Variants in SMIM14 observed in about 807,000 individuals in gnomAD.
The protein encoded by SMIM14 is chromosome 4 open reading frame 34.
In SMIM14, 5 loss-of-function variants were observed where a neutral mutation model predicts 12.6. The observed-to-expected ratio is 0.40, with a 90% CI of 0.21 to 0.83. The LOEUF (loss-of-function observed/expected upper bound fraction) is 0.83. Ranked by LOEUF, SMIM14 falls within the 40% of genes least tolerant of loss-of-function variation. The pLI, the probability that SMIM14 is intolerant of heterozygous loss-of-function variation, is 0.37. For missense variants in SMIM14, 86 were observed against 119.1 expected (o/e 0.72, Z 1.29); for synonymous variants, 30 against 40.1 (o/e 0.75, Z 0.95).
chr4:39,592,853 G>A (rs950004320), intron 2 of SMIM14: 8 of 152,144 alleles, frequency 5.3e-5, no homozygotes, highest in African/African-American at 1.7e-4. Flanking sequence ...ACTAAACCAG[G>A]AAGAAGTTGA....
intron 2 of SMIM14, among the ~76,000 whole-genome samples, chr4:39,587,191 T>C (rs1025257492): frequency 4.0e-5 from 6 of 151,872 alleles, no homozygotes; most frequent in Non-Finnish European, 8.8e-5. Flanking sequence ...TACATACGTA[T>C]ATGCATATTA....
At chr4:39,569,976 T>G (rs1712800892) in intron 3 of SMIM14, among the ~76,000 whole-genome samples, 1 of 152,122 alleles carries the variant, frequency 6.6e-6, no homozygotes, top group Non-Finnish European at 1.5e-5. Context: ...TTTCCTATCC[T>G]TGGAAGCCTA....
chr4:39,631,830 A>G (rs1715910353), intron 1 of SMIM14, among the ~76,000 whole-genome samples: 2 of 152,152 alleles, frequency 1.3e-5, no homozygotes, highest in African/African-American at 4.8e-5. Flanking sequence ...ATACTTGTCA[A>G]TGAGTGCAGT....
chr4:39,603,924 T>G (rs1200470365), intron 2 of SMIM14, among the ~76,000 whole-genome samples: 3 of 149,944 alleles, frequency 2.0e-5, no homozygotes, highest in Non-Finnish European at 4.4e-5. Context: ...GGCAGGAGAA[T>G]CACTTGAACC....
chr4:39,623,205 G>C (rs1468695207), intron 1 of SMIM14, among the ~76,000 whole-genome samples: 1 of 152,158 alleles, frequency 6.6e-6, no homozygotes, highest in African/African-American at 2.4e-5. Context: ...CTGCCAAGGG[G>C]GGAGAGGTAT....
intron 1 of SMIM14, among the ~76,000 whole-genome samples, chr4:39,625,890 T>C (rs1578368787): frequency 6.6e-6 from 1 of 152,304 alleles, no homozygotes; most frequent in East Asian, 1.9e-4. Flanking sequence ...AGCAACTACG[T>C]CAGCATGGCC....
intron 3 of SMIM14, among the ~76,000 whole-genome samples, chr4:39,566,988 T>C (rs915469625): frequency 1.3e-4 from 19 of 150,410 alleles, no homozygotes; most frequent in East Asian, 1.2e-3. Context: ...AAACAAAAAT[T>C]AGCTGGGGAT....
At chr4:39,594,882 A>T (rs915670065) in intron 2 of SMIM14, among the ~76,000 whole-genome samples, 2 of 151,428 alleles carry the variant, frequency 1.3e-5, no homozygotes, top group African/African-American at 4.8e-5. Flanking sequence ...TAGAATGGCG[A>T]TCATTAAAAA....
chr4:39,621,847 C>CTTTT (rs34194983), intron 1 of SMIM14, among the ~76,000 whole-genome samples: 19 of 141,836 alleles, frequency 1.3e-4, no homozygotes, highest in African/African-American at 4.7e-4. Flanking sequence ...TCATGCTTGG[C>CTTTT]TTTTTTTTTT....
chr4:39,555,336 G>A (rs896434878), intron 4 of SMIM14, among the ~76,000 whole-genome samples: 1 of 151,814 alleles, frequency 6.6e-6, no homozygotes, highest in Non-Finnish European at 1.5e-5. Flanking sequence ...GAGCTCAAAC[G>A]ATTCTCATGC....
intron 3 of SMIM14, among the ~76,000 whole-genome samples, chr4:39,559,829 T>A (rs1023132330): frequency 3.3e-5 from 5 of 151,936 alleles, no homozygotes; most frequent in Non-Finnish European, 5.9e-5. Context: ...TAGAAACAGC[T>A]AAACAGGCCG....
rs1334846107 is a variant in SMIM14 at position 39,625,231 on chromosome 4, A to AG, written c.-36+13507_-36+13508insC. Among the ~76,000 whole-genome samples the AG allele has an allele frequency of 4.0e-5, 6 of 151,704 alleles. No homozygotes were observed. The East Asian group carries it at 1.2e-3, about 29-fold the overall frequency. On this transcript the variant is annotated intron_variant, in intron 1 of 4. Transcript: ENST00000295958. ...AGACATCATCTCAAAAAAAAAAAAAAAAGAAAGAAAGAAAAAGAAAAGGAT... is the reference window on the plus strand; with the variant it reads ...AGACATCATCTCAAAAAAAAAAAAAAGAAGAAAGAAAGAAAAAGAAAAGGAT...
intron 1 of SMIM14, among the ~76,000 whole-genome samples, chr4:39,609,093 C>T (rs1714922646): frequency 6.6e-6 from 1 of 152,196 alleles, no homozygotes; most frequent in Admixed American, 6.5e-5. Flanking sequence ...TCTCCTGCCT[C>T]AGCCTCCAGA....
intron 2 of SMIM14, among the ~76,000 whole-genome samples, chr4:39,588,264 G>A (rs1000989214): frequency 1.6e-4 from 24 of 152,012 alleles, no homozygotes; most frequent in Non-Finnish European, 3.5e-4. Context: ...ACTGTCGGCT[G>A]AGGGTGGTGG....
At chr4:39,609,503 C>T (rs1259388570) in intron 1 of SMIM14, among the ~76,000 whole-genome samples, 2 of 152,108 alleles carry the variant, frequency 1.3e-5, no homozygotes, top group East Asian at 3.9e-4. Flanking sequence ...GGGTTGAGGG[C>T]ATTCTAGACA....
intron 2 of SMIM14, among the ~76,000 whole-genome samples, chr4:39,599,333 T>C (rs1366050173): frequency 6.6e-6 from 1 of 152,154 alleles, no homozygotes; most frequent in Non-Finnish European, 1.5e-5. Flanking sequence ...AATTTCATTT[T>C]TTTTTACTCT....
chr4:39,616,429 C>T (rs2110068990), intron 1 of SMIM14, among the ~76,000 whole-genome samples: 1 of 152,252 alleles, frequency 6.6e-6, no homozygotes, highest in East Asian at 1.9e-4. Flanking sequence ...GCCACCGCGC[C>T]TGGCCACATT....
intron 2 of SMIM14, among the ~76,000 whole-genome samples, chr4:39,590,645 T>C (rs1046716727): frequency 4.7e-5 from 7 of 150,062 alleles, no homozygotes; most frequent in African/African-American, 1.7e-4. Context: ...CTACTAAAAA[T>C]ACAAAAGTTA....
chr4:39,585,313 A>G (rs1371465651), intron 2 of SMIM14, among the ~76,000 whole-genome samples: 2 of 150,004 alleles, frequency 1.3e-5, no homozygotes, highest in East Asian at 3.9e-4. Context: ...TATTATTATT[A>G]GAGACAGAGT....
Sources: allele counts gnomAD v4.1 joint callset (sites outside exome capture counted in the v4.1 genomes callset), GRCh38; gene constraint gnomAD v4.1.1; transcripts MANE v1.5; gene names NCBI Gene and HGNC (gene_info 2026-07-23, HGNC 2026-07-21).